KCNN4: variants seen among roughly 807,000 people sequenced by gnomAD.
KCNN4 encodes potassium calcium-activated channel subfamily N member 4, also known as intermediate conductance calcium-activated potassium channel protein 4.
In KCNN4, 31 loss-of-function variants were observed where a neutral mutation model predicts 45.2. The ratio of observed to expected loss-of-function variants is 0.69; its 90% CI spans 0.52 to 0.92. The LOEUF (loss-of-function observed/expected upper bound fraction) is 0.92, where lower values mean the gene tolerates loss of function less well. Among genes scored for constraint, KCNN4 ranks in the 40% least tolerant of loss-of-function variants. The probability of loss-of-function intolerance (pLI) is 0.00; values close to 1 mark genes in which losing one functional copy is unlikely to be tolerated. For missense variants in KCNN4, 463 were observed against 574.0 expected (o/e 0.81, Z 1.98); for synonymous variants, 231 against 254.6 (o/e 0.91, Z 0.88).
At chr19:43,780,603 A>AC in intron 1 of KCNN4, 100 bp downstream of exon 1, 2 of 124,542 alleles carry the variant, frequency 1.6e-5, no homozygotes, top group East Asian at 1.9e-4. Context: ...AGGAGTCCTG[A>AC]CCCCCAGCCC....
Position 43,774,594 on chromosome 19 carries a change from C to T in KCNN4, c.281G>A (p.Arg94Gln). The change falls in exon 3 of 9, where the codon CGG becomes CAG. Residue 94 changes from arginine (R) to glutamine (Q), a missense_variant. Arg to Gln is a conservative substitution (Grantham distance 43). Coordinates refer to ENST00000648319, the MANE Select transcript of KCNN4 (RefSeq NM_002250.3). This position sits in a 1 kb window ranked among gnomAD's most constrained non-coding sequence, Gnocchi z 5.6. ...VQLFMTDNGL[R>Q]DWRVALTGRQ... ...CCCGGTCAGCGCCACGCGCCAGTCC[C>T]GCAGCCCGTTGTCGGTCATGAACAG... is the stretch of plus-strand genomic sequence containing the variant. 6.6e-7 allele frequency: 1 copy of T among 1,515,868 alleles called. No individual in the cohort carries two copies. Among genetic ancestry groups the T allele is most frequent in the Non-Finnish European group, 8.8e-7 (1 of 1,142,110 alleles). 93.9% of individuals were successfully genotyped at this position (1,515,868 alleles called of 1,614,324 possible). A position where few individuals can be genotyped will look rare whatever the true frequency, so the allele number is the denominator to read the frequency against.
In KCNN4 at chr19:43,769,239, A is replaced by T. The variant is rs1210618791; in HGVS notation, c.1049+203T>A. On this transcript the variant is annotated intron_variant, in intron 6 of 8. Transcript: ENST00000648319. The surrounding 1 kb of genome is among the most constrained non-coding windows in gnomAD (Gnocchi z 4.4). ...GAAACCCAGGTACCCAGGTCCGCAG[A>T]CACACCGAGATATGCGGAGACAAAC... The T allele has an allele frequency of 1.5e-6, 1 of 671,272 alleles. No homozygotes were observed. Among genetic ancestry groups the T allele is most frequent in the Admixed American group, 2.5e-5 (1 of 40,482 alleles). The allele number at this position is 671,272 out of a possible 1,614,324, so 41.6% of individuals were successfully genotyped here.
At chr19:43,779,940 G>A (rs1969922716) in intron 1 of KCNN4, among the ~76,000 whole-genome samples, 1 of 152,118 alleles carries the variant, frequency 6.6e-6, no homozygotes, top group African/African-American at 2.4e-5. Context: ...GTTGGTGGGG[G>A]GAGGCAGGTC....
chr19:43,773,881 G>A (rs1969710799), intron 3 of KCNN4, among the ~76,000 whole-genome samples: 1 of 152,292 alleles, frequency 6.6e-6, no homozygotes, highest in African/African-American at 2.4e-5. Flanking sequence ...TTCGGAGACC[G>A]AACAGATGGC....
Position 43,772,679 on chromosome 19 carries a change from G to A in KCNN4, c.684-544C>T, listed in dbSNP as rs1001620257. On this transcript the variant is annotated intron_variant, in intron 3 of 8. Transcript: ENST00000648319. The surrounding 1 kb of genome is among the most constrained non-coding windows in gnomAD (Gnocchi z 4.4). ...GAGACATTTAAGTCCAGCCATGGAA[G>A]GGGTTGAAACATTGAGATTTGTCTA... 2.0e-5 allele frequency among the ~76,000 whole-genome samples: 3 copies of A among 152,206 alleles called. No homozygotes were observed. The highest frequency in any genetic ancestry group is 7.2e-5 in the African/African-American group (3 of 41,452).
chr19:43,777,674 T>C (rs74325253), intron 1 of KCNN4, among the ~76,000 whole-genome samples: 4 of 105,420 alleles, frequency 3.8e-5, no homozygotes, highest in Admixed American at 1.7e-4. Flanking sequence ...AATTGTTCCT[T>C]TTTTTTTTTT....
At position 43,774,532 on chromosome 19, in the gene KCNN4, A is replaced by T. The variant is rs775782981; in HGVS notation, c.343T>A (p.Cys115Ser). ...AAQIVLELVV[C>S]GLHPAPVRGP... is the part of the protein sequence containing the mutation. ...CGCACGGGCGCCGGGTGCAGCCCAC[A>T]CACCACCAGCTCCAGCACGATCTGC... The change falls in exon 3 of 9, where the codon TGT becomes AGT. Residue 115 changes from cysteine to serine, a missense_variant. Coordinates refer to ENST00000648319, the MANE Select transcript of KCNN4 (RefSeq NM_002250.3). The surrounding 1 kb of genome is among the most constrained non-coding windows in gnomAD (Gnocchi z 5.6). 6.3e-7 allele frequency: 1 copy of T among 1,595,640 alleles called. No homozygotes were observed. Among genetic ancestry groups the T allele is most frequent in the Non-Finnish European group, 8.5e-7 (1 of 1,175,840 alleles).
At chr19:43,777,213 C>A (rs1227756719) in intron 1 of KCNN4, among the ~76,000 whole-genome samples, 1 of 152,122 alleles carries the variant, frequency 6.6e-6, no homozygotes, top group African/African-American at 2.4e-5. Flanking sequence ...AGCTCTTCTC[C>A]CAAGACCCAT....
In KCNN4 at chr19:43,774,311, G is replaced by A. The variant is rs774565459; in HGVS notation, c.564C>T (p.Val188=). The A allele has an allele frequency of 1.9e-6, 3 of 1,612,210 alleles. No homozygotes were observed. Among genetic ancestry groups the A allele is most frequent in the Non-Finnish European group, 2.5e-6 (3 of 1,179,156 alleles). ...SYRSIGALNQ[V]RFRHWFVAKL... ...TGGCCACGAACCAGTGGCGGAAGCG[G>A]ACTTGATTGAGAGCGCCGATGCTGC... The change falls in exon 3 of 9, where the codon GTC becomes GTT. Residue 188 remains valine (V), a synonymous_variant. Coordinates refer to ENST00000648319, the MANE Select transcript of KCNN4 (RefSeq NM_002250.3). The surrounding 1 kb of genome is among the most constrained non-coding windows in gnomAD (Gnocchi z 5.6).
intron 4 of KCNN4, among the ~76,000 whole-genome samples, chr19:43,770,857 GT>G (rs1482133614): frequency 6.6e-6 from 1 of 152,192 alleles, no homozygotes; most frequent in Non-Finnish European, 1.5e-5. Flanking sequence ...CTAGGTTTCT[GT>G]TTCTCCTTTT....
intron 7 of KCNN4, 77 bp from the exon 8 acceptor site, chr19:43,767,784 C>A: frequency 2.0e-6 from 3 of 1,514,278 alleles, no homozygotes; most frequent in South Asian, 2.3e-5. Context: ...GGCAATGGAA[C>A]CAATATTGAC....
intron 1 of KCNN4, among the ~76,000 whole-genome samples, chr19:43,778,083 A>G (rs1969864077): frequency 6.6e-6 from 1 of 151,598 alleles, no homozygotes; most frequent in South Asian, 2.1e-4. Context: ...TCACACTGCA[A>G]TTTGCTTCTC....
intron 4 of KCNN4, 142 bp downstream of exon 4, chr19:43,771,858 G>C: frequency 1.1e-6 from 1 of 894,326 alleles, no homozygotes; most frequent in Non-Finnish European, 1.7e-6. Flanking sequence ...AGAGAGAATG[G>C]GGCTCTGGGG....
chr19:43,775,002 C>T (rs1969759116), intron 2 of KCNN4, among the ~76,000 whole-genome samples: 1 of 152,164 alleles, frequency 6.6e-6, no homozygotes, highest in African/African-American at 2.4e-5. Context: ...GGTTGACACG[C>T]GTAATAACTG....
chr19:43,777,004 C>A (rs1282525644), intron 1 of KCNN4, among the ~76,000 whole-genome samples: 1 of 152,042 alleles, frequency 6.6e-6, no homozygotes, highest in Non-Finnish European at 1.5e-5. Context: ...GAATCTTGAA[C>A]CCAGGAGGTG....
At chr19:43,771,471 C>T (rs775572499) in intron 4 of KCNN4, among the ~76,000 whole-genome samples, 1 of 152,138 alleles carries the variant, frequency 6.6e-6, no homozygotes, top group Non-Finnish European at 1.5e-5. Flanking sequence ...CAGGAAGTGG[C>T]AGCCGCAGGA....
In KCNN4 at chr19:43,769,587, G is replaced by A. The variant is rs1969584303; in HGVS notation, c.931-27C>T. 15 of 1,601,330 alleles carry A rather than the reference G, an allele frequency of 9.4e-6. No homozygotes were observed. The highest frequency in any genetic ancestry group is 1.1e-5 in the Non-Finnish European group (13 of 1,168,372). On this transcript the variant is annotated intron_variant, in intron 5 of 8. Transcript: ENST00000648319. The surrounding 1 kb of genome is among the most constrained non-coding windows in gnomAD (Gnocchi z 4.4). The stretch of plus-strand genomic sequence containing the variant: ...TGGGGGTGGGTGGCACAGTGTCCGT[G>A]GAGATAGACCCTTACGGTTCTGGGA...
rs565396442 is a variant in KCNN4 at position 43,769,961 on chromosome 19, C to T, written c.820-132G>A. 461 of 643,426 alleles carry T rather than the reference C, an allele frequency of 7.2e-4. 8 individuals are homozygous for T. The South Asian group carries it at 7.6e-3, about 11-fold the overall frequency. 39.9% of individuals were successfully genotyped at this position (643,426 alleles called of 1,614,324 possible). On this transcript the variant is annotated intron_variant, in intron 4 of 8. Transcript: ENST00000648319. This position sits in a 1 kb window ranked among gnomAD's most constrained non-coding sequence, Gnocchi z 4.4. ...AAGCAAAGAGGCTCAGAGAGGAGAGCCAAGGTCCCAGCTCAGAGCGGTGGA... is the reference window on the plus strand; with the variant it reads ...AAGCAAAGAGGCTCAGAGAGGAGAGTCAAGGTCCCAGCTCAGAGCGGTGGA...
chr19:43,771,535 C>T (rs926764303), intron 4 of KCNN4, among the ~76,000 whole-genome samples: 2 of 152,120 alleles, frequency 1.3e-5, no homozygotes, highest in African/African-American at 4.8e-5. Flanking sequence ...CTGGACTCTA[C>T]ACCCTTGATG....
Sources: allele counts gnomAD v4.1 joint callset (sites outside exome capture counted in the v4.1 genomes callset), GRCh38; gene constraint gnomAD v4.1.1; non-coding constraint Gnocchi (gnomAD v3.1); transcripts MANE v1.5; gene names NCBI Gene and HGNC (gene_info 2026-07-23, HGNC 2026-07-21).